KCND2: variants seen among roughly 807,000 people sequenced by gnomAD.
KCND2 encodes the protein potassium voltage-gated channel subfamily D member 2.
In KCND2, 16 loss-of-function variants were observed where a neutral mutation model predicts 54.4. The ratio of observed to expected loss-of-function variants is 0.29; its 90% CI spans 0.20 to 0.45. The LOEUF (loss-of-function observed/expected upper bound fraction) is 0.45, where lower values mean the gene tolerates loss of function less well. Among genes scored for constraint, KCND2 ranks in the 20% least tolerant of loss-of-function variants. The probability of loss-of-function intolerance (pLI) is 1.00; values close to 1 mark genes in which losing one functional copy is unlikely to be tolerated. For synonymous variants in KCND2, 317 were observed against 310.7 expected, an observed-to-expected ratio of 1.02 and a Z score of -0.21; for missense variants, 486 against 824.2, an observed-to-expected ratio of 0.59 and a Z score of 5.02.
chr7:120,650,153 A>G (rs1791711346), intron 1 of KCND2, among the ~76,000 whole-genome samples: 1 of 148,282 alleles, frequency 6.7e-6, no homozygotes, highest in Admixed American at 6.6e-5. Context: ...CTGAATTTGA[A>G]TGTTGGCTTG....
intron 1 of KCND2, among the ~76,000 whole-genome samples, chr7:120,421,295 C>T (rs911245418): frequency 1.3e-5 from 2 of 152,262 alleles, no homozygotes; most frequent in African/African-American, 4.8e-5. Context: ...TAGATAACTA[C>T]CTCTTCTCTA....
intron 1 of KCND2, among the ~76,000 whole-genome samples, chr7:120,503,418 A>G (rs1486365877): frequency 7.3e-6 from 1 of 137,908 alleles, no homozygotes; most frequent in Non-Finnish European, 1.6e-5. Flanking sequence ...GTTGAAAGCC[A>G]TGGCCAAGAA....
intron 2 of KCND2, among the ~76,000 whole-genome samples, chr7:120,734,956 A>G (rs1792852930): frequency 1.3e-5 from 2 of 152,102 alleles, no homozygotes; most frequent in Admixed American, 1.3e-4. Flanking sequence ...GTCTTTGGAA[A>G]GTTCTAGTTA....
intron 1 of KCND2, among the ~76,000 whole-genome samples, chr7:120,368,839 G>A (rs1800723104): frequency 6.6e-6 from 1 of 152,056 alleles, no homozygotes; most frequent in South Asian, 2.1e-4. Context: ...ATAAAGGACA[G>A]AATTAAATTA....
chr7:120,557,556 A>G (rs1792180398), intron 1 of KCND2, among the ~76,000 whole-genome samples: 1 of 152,134 alleles, frequency 6.6e-6, no homozygotes. Context: ...TCATGTAAAA[A>G]GTCAAAATTC....
chr7:120,339,236 A>C (rs1185335345), intron 1 of KCND2, among the ~76,000 whole-genome samples: 1 of 152,010 alleles, frequency 6.6e-6, no homozygotes, highest in Non-Finnish European at 1.5e-5. Flanking sequence ...GCAACAGTAT[A>C]TAACATTGGC....
chr7:120,364,031 T>A (rs1413554871), intron 1 of KCND2, among the ~76,000 whole-genome samples: 1 of 152,118 alleles, frequency 6.6e-6, no homozygotes, highest in East Asian at 1.9e-4. Flanking sequence ...TCCACCTTTG[T>A]CTGTTTTGTT....
intron 1 of KCND2, among the ~76,000 whole-genome samples, chr7:120,300,971 A>G (rs1300867880): frequency 2.6e-5 from 4 of 152,128 alleles, no homozygotes; most frequent in Non-Finnish European, 5.9e-5. Flanking sequence ...TAAGGGGGAA[A>G]GGGGCCCACA....
intron 1 of KCND2, among the ~76,000 whole-genome samples, chr7:120,591,796 AG>A (rs1300594979): frequency 1.3e-5 from 2 of 152,216 alleles, no homozygotes; most frequent in African/African-American, 4.8e-5. Context: ...AGCAAGTAAA[AG>A]TGTGGTACTT....
At chr7:120,396,546 T>C (rs1269811966) in intron 1 of KCND2, among the ~76,000 whole-genome samples, 3 of 152,076 alleles carry the variant, frequency 2.0e-5, no homozygotes, top group East Asian at 1.9e-4. Context: ...TCACTGGGTT[T>C]ATATTTTAAT....
intron 1 of KCND2, among the ~76,000 whole-genome samples, chr7:120,652,263 A>T (rs528276351): frequency 3.7e-4 from 57 of 152,184 alleles, no homozygotes; most frequent in African/African-American, 1.3e-3. Flanking sequence ...TTTAGTAGAG[A>T]TGGAGTTTCA....
intron 1 of KCND2, among the ~76,000 whole-genome samples, chr7:120,721,861 C>T (rs1361105658): frequency 1.3e-5 from 2 of 152,028 alleles, no homozygotes; most frequent in African/African-American, 2.4e-5. Flanking sequence ...GGGAGGGACC[C>T]GGTAGGAGAT....
At chr7:120,592,050 G>A (rs1281182773) in intron 1 of KCND2, among the ~76,000 whole-genome samples, 1 of 152,174 alleles carries the variant, frequency 6.6e-6, no homozygotes, top group Non-Finnish European at 1.5e-5. Context: ...GCCATGCTAG[G>A]TATCCTAGTC....
intron 1 of KCND2, among the ~76,000 whole-genome samples, chr7:120,675,883 A>G (rs1191000337): frequency 1.5e-5 from 2 of 133,938 alleles, no homozygotes; most frequent in African/African-American, 5.8e-5. Context: ...TTTGAGACAG[A>G]GTCTCGCCCT....
intron 1 of KCND2, among the ~76,000 whole-genome samples, chr7:120,447,900 A>T (rs1344939832): frequency 6.6e-6 from 1 of 151,692 alleles, no homozygotes; most frequent in Non-Finnish European, 1.5e-5. Context: ...AAACACAACA[A>T]TTTTAGTTTT....
intron 1 of KCND2, among the ~76,000 whole-genome samples, chr7:120,520,594 G>A (rs887022190): frequency 2.0e-4 from 31 of 152,204 alleles, no homozygotes; most frequent in Middle Eastern, 6.8e-3. Flanking sequence ...CGCTCCTGAA[G>A]AAGAATAGAG....
At chr7:120,465,286 C>G (rs1409602732) in intron 1 of KCND2, among the ~76,000 whole-genome samples, 1 of 151,718 alleles carries the variant, frequency 6.6e-6, no homozygotes, top group African/African-American at 2.4e-5. Context: ...TTCTATGTAG[C>G]GAAGAGCTAA....
chr7:120,380,413 T>C (rs1800900576), intron 1 of KCND2, among the ~76,000 whole-genome samples: 1 of 151,772 alleles, frequency 6.6e-6, no homozygotes, highest in Non-Finnish European at 1.5e-5. Flanking sequence ...GTGTAGGTGA[T>C]GAACTGGAAC....
At chr7:120,473,941 A>G (rs1233564018) in intron 1 of KCND2, among the ~76,000 whole-genome samples, 1 of 152,138 alleles carries the variant, frequency 6.6e-6, no homozygotes, top group Non-Finnish European at 1.5e-5. Flanking sequence ...ACTTCAGGGT[A>G]GTGTTCTTTA....
Sources: gnomAD v4.1 joint callset for allele counts (sites outside exome capture counted in the v4.1 genomes callset) on GRCh38, gnomAD v4.1.1 for gene constraint, MANE v1.5 for transcripts, NCBI Gene and HGNC (gene_info 2026-07-23, HGNC 2026-07-21) for gene names.